Variants in DOCK9 observed in about 807,000 individuals in gnomAD.
The protein encoded by DOCK9 is dedicator of cytokinesis 9, also known as dedicator of cytokinesis protein 9.
Under a neutral mutation model 263.3 loss-of-function variants are expected in DOCK9, and 89 were observed. The observed-to-expected ratio is 0.34, with a 90% CI of 0.28 to 0.40. The LOEUF is 0.40. DOCK9 is among the 10% of genes least tolerant of loss of function. The pLI, the probability that DOCK9 is intolerant of heterozygous loss-of-function variation, is 1.00. For missense variants in DOCK9, 2,140 were observed against 2,603.4 expected (o/e 0.82, Z 3.87); for synonymous variants, 976 against 973.1 (o/e 1.00, Z -0.06).
chr13:99,030,391 A>G (rs12871365), intron 1 of DOCK9, among the ~76,000 whole-genome samples: 7,323 of 152,324 alleles, frequency 0.048, 237 homozygotes, highest in Middle Eastern at 0.11. Flanking sequence ...TAATAAATAC[A>G]GCAAGCCTAA....
chr13:98,849,091 T>A (rs1005473543), intron 36 of DOCK9, among the ~76,000 whole-genome samples: 8 of 151,832 alleles, frequency 5.3e-5, no homozygotes, highest in African/African-American at 1.9e-4. Flanking sequence ...GTGTAGTTTT[T>A]AAAAATATAT....
At chr13:98,814,406 C>CTTTTTT (rs36080691) in intron 45 of DOCK9, among the ~76,000 whole-genome samples, 13 of 139,126 alleles carry the variant, frequency 9.3e-5, no homozygotes, top group Non-Finnish European at 9.2e-5. Flanking sequence ...AGAAGTACGT[C>CTTTTTT]TTTTTTTTTT....
chr13:99,078,750 A>C (rs571813488), intron 1 of DOCK9, among the ~76,000 whole-genome samples: 81 of 152,366 alleles, frequency 5.3e-4, no homozygotes, highest in African/African-American at 1.9e-3. Flanking sequence ...AAAAAGAACT[A>C]TCTCTCAGGA....
Position 98,942,437 on chromosome 13 carries a change from G to A in DOCK9, c.244-12180C>T, listed in dbSNP as rs533490896. Among the ~76,000 whole-genome samples the A allele has an allele frequency of 2.1e-3, 322 of 151,956 alleles. 2 individuals carry two copies. Among genetic ancestry groups the A allele is most frequent in the African/African-American group, 7.2e-3 (298 of 41,456 alleles). ...GTATTTTAAGTAGAGATGGGGTTTT[G>A]CCGTGTTAGCCAGGATGGTCTCGAT... On this transcript the variant is annotated intron_variant, in intron 2 of 52. Coordinates refer to ENST00000682017, the MANE Select transcript of DOCK9 (RefSeq NM_001366683.2).
chr13:99,087,289 T>C (rs1257426966), upstream of DOCK9, among the ~76,000 whole-genome samples: 1 of 152,052 alleles, frequency 6.6e-6, no homozygotes, highest in Non-Finnish European at 1.5e-5. Flanking sequence ...CGTGGGAGAC[T>C]CCCAGACTCC....
chr13:99,043,166 T>C (rs1888635458), intron 1 of DOCK9, among the ~76,000 whole-genome samples: 3 of 152,264 alleles, frequency 2.0e-5, no homozygotes, highest in African/African-American at 7.2e-5. Context: ...CATGGGTCAC[T>C]GCCTCTCAGG....
At chr13:98,968,243 T>C (rs573324304) in intron 1 of DOCK9, among the ~76,000 whole-genome samples, 8 of 152,326 alleles carry the variant, frequency 5.3e-5, no homozygotes, top group African/African-American at 1.7e-4. Context: ...ATTGAAATGG[T>C]AATATTTTGG....
chr13:98,961,873 C>A (rs1466617739), intron 1 of DOCK9, among the ~76,000 whole-genome samples: 1 of 152,160 alleles, frequency 6.6e-6, no homozygotes, highest in Non-Finnish European at 1.5e-5. Flanking sequence ...AGATGGGACG[C>A]CATGGCACAA....
chr13:98,965,282 T>C (rs1383837973), intron 1 of DOCK9, among the ~76,000 whole-genome samples: 1 of 152,306 alleles, frequency 6.6e-6, no homozygotes, highest in East Asian at 1.9e-4. Context: ...ACTCAGGACA[T>C]TACAACTAGT....
intron 1 of DOCK9, among the ~76,000 whole-genome samples, chr13:99,038,457 A>G (rs1472802585): frequency 6.6e-6 from 1 of 151,042 alleles, no homozygotes; most frequent in Non-Finnish European, 1.5e-5. Flanking sequence ...GGCACCCACC[A>G]CCACGCCCGG....
chr13:98,975,050 T>C (rs908818349), intron 1 of DOCK9, among the ~76,000 whole-genome samples: 2 of 152,182 alleles, frequency 1.3e-5, no homozygotes, highest in African/African-American at 2.4e-5. Context: ...GATCCAATTA[T>C]AGTACAGACC....
chr13:99,040,732 G>A (rs1048893772), intron 1 of DOCK9, among the ~76,000 whole-genome samples: 1 of 152,130 alleles, frequency 6.6e-6, no homozygotes, highest in Non-Finnish European at 1.5e-5. Context: ...ACAGAGGGTG[G>A]AGAAATTAGG....
chr13:98,909,140 C>T (rs1309557369), intron 9 of DOCK9, among the ~76,000 whole-genome samples: 1 of 152,168 alleles, frequency 6.6e-6, no homozygotes, highest in Admixed American at 6.6e-5. Context: ...AAAATGGAGA[C>T]AGAAAATGCA....
At chr13:98,923,429 G>T (rs1287006810) in intron 4 of DOCK9, 58 bp from the exon 5 acceptor site, 1 of 1,423,554 alleles carries the variant, frequency 7.0e-7, no homozygotes, top group East Asian at 2.3e-5. Flanking sequence ...AAGAGGCTTT[G>T]CATTTCTTCC....
chr13:98,879,997 A>C, intron 26 of DOCK9, 28 bp from the exon 27 acceptor site: 1 of 1,551,696 alleles, frequency 6.4e-7, no homozygotes, highest in Non-Finnish European at 8.8e-7. Flanking sequence ...AGGACCCAGT[A>C]AGAACACAAC....
intron 15 of DOCK9, among the ~76,000 whole-genome samples, chr13:98,896,296 T>C (rs949060125): frequency 6.6e-6 from 1 of 152,214 alleles, no homozygotes; most frequent in African/African-American, 2.4e-5. Flanking sequence ...CCTGCTGACA[T>C]GGACGTGATT....
intron 19 of DOCK9, 144 bp from the exon 20 acceptor site, chr13:98,885,975 G>T: frequency 1.0e-5 from 7 of 696,862 alleles, no homozygotes; most frequent in Non-Finnish European, 1.5e-5. Context: ...AAGATACTGA[G>T]ACTATAAATT....
chr13:98,992,890 C>T (rs1394198706), intron 1 of DOCK9, among the ~76,000 whole-genome samples: 2 of 152,126 alleles, frequency 1.3e-5, no homozygotes, highest in African/African-American at 2.4e-5. Flanking sequence ...ATAAGCAAGA[C>T]GTTCTGAAGC....
At chr13:98,953,124 A>G (rs530621256) in intron 2 of DOCK9, among the ~76,000 whole-genome samples, 1 of 152,380 alleles carries the variant, frequency 6.6e-6, no homozygotes, top group African/African-American at 2.4e-5. Flanking sequence ...AGCACAGAGT[A>G]CATGGCTTTA....
Sources: allele counts gnomAD v4.1 joint callset (sites outside exome capture counted in the v4.1 genomes callset), GRCh38; gene constraint gnomAD v4.1.1; transcripts MANE v1.5; gene names NCBI Gene and HGNC (gene_info 2026-07-23, HGNC 2026-07-21).